MALRD1: variants seen among roughly 807,000 people sequenced by gnomAD.
The protein encoded by MALRD1 is MAM and LDL-receptor class A domain-containing protein 1.
A neutral mutation model predicts 242.1 loss-of-function variants in MALRD1; 247 were observed. The observed-to-expected ratio is 1.02, with a 90% CI of 0.92 to 1.13. The LOEUF (loss-of-function observed/expected upper bound fraction) is 1.13, where lower values mean the gene tolerates loss of function less well. Among genes scored for constraint, MALRD1 ranks in the 50% most tolerant of loss-of-function variants. The pLI, the probability that MALRD1 is intolerant of heterozygous loss-of-function variation, is 0.00. For missense variants in MALRD1, 2,989 were observed against 2,533.1 expected, an observed-to-expected ratio of 1.18 and a Z score of -3.86; for synonymous variants, 995 against 866.6, an observed-to-expected ratio of 1.15 and a Z score of -2.60.
At chr10:19,418,675 A>T (rs1473761614) in intron 28 of MALRD1, among the ~76,000 whole-genome samples, 2 of 152,202 alleles carry the variant, frequency 1.3e-5, no homozygotes, top group African/African-American at 4.8e-5. Context: ...ATGAAATGTG[A>T]TATGAAAGCT....
chr10:19,125,743 T>C (rs1330306095), intron 7 of MALRD1, among the ~76,000 whole-genome samples: 1 of 152,046 alleles, frequency 6.6e-6, no homozygotes, highest in East Asian at 1.9e-4. Flanking sequence ...CAAACTATCA[T>C]TTAATTATTT....
At chr10:19,529,504 A>G (rs7911794) in intron 31 of MALRD1, among the ~76,000 whole-genome samples, 2,189 of 148,356 alleles carry the variant, frequency 0.015, 51 homozygotes, top group African/African-American at 0.053. Flanking sequence ...CAGAATCGTG[A>G]AAAGTTCAAT....
Position 19,670,879 on chromosome 10 carries a change from ATT to A in MALRD1, c.6138-21387_6138-21386del, listed in dbSNP as rs538335690. ...ATCTTTATTTCTCAACAAAACAATC[ATT>A]TTTTTTTTTTTTTTTGAGATGGAGT... is the stretch of plus-strand genomic sequence containing the variant. On this transcript the variant is annotated intron_variant, in intron 36 of 39. Transcript: ENST00000454679. Among the ~76,000 whole-genome samples, 176 of 134,222 alleles carry A rather than the reference ATT, an allele frequency of 1.3e-3. 1 individual carries two copies. Among genetic ancestry groups the A allele is most frequent in the African/African-American group, 4.5e-3 (162 of 35,712 alleles). 88.1% of individuals were successfully genotyped at this position (134,222 alleles called of 152,430 possible).
At chr10:19,164,126 C>T (rs567239478) in intron 12 of MALRD1, among the ~76,000 whole-genome samples, 1 of 152,244 alleles carries the variant, frequency 6.6e-6, no homozygotes, top group South Asian at 2.1e-4. Context: ...TTCTAACTCA[C>T]CTGTCAAGGT....
At chr10:19,607,600 A>G (rs1564480402) in intron 34 of MALRD1, among the ~76,000 whole-genome samples, 177 bp from the exon 35 acceptor site, 1 of 152,132 alleles carries the variant, frequency 6.6e-6, no homozygotes, top group African/African-American at 2.4e-5. Flanking sequence ...TCTTTCAGAC[A>G]TTTTTAAGTT....
chr10:19,072,337 A>G (rs1328160744), intron 2 of MALRD1, among the ~76,000 whole-genome samples: 2 of 152,228 alleles, frequency 1.3e-5, no homozygotes, highest in Non-Finnish European at 1.5e-5. Flanking sequence ...AAACAGTCAT[A>G]TATACAAAAT....
rs529000033 is a variant in MALRD1 at position 19,142,171 on chromosome 10, C to CAAAAAAAAAAAAAAA, written c.1412-4015_1412-4001dup. 7.6e-4 allele frequency among the ~76,000 whole-genome samples: 20 copies of CAAAAAAAAAAAAAAA among 26,274 alleles called. 1 individual carries two copies. Among genetic ancestry groups the CAAAAAAAAAAAAAAA allele is most frequent in the African/African-American group, 3.4e-3 (20 of 5,868 alleles). The allele number at this position is 26,274 out of a possible 152,430, so 17.2% of individuals were successfully genotyped here. On this transcript the variant is annotated intron_variant, in intron 10 of 39. Coordinates refer to ENST00000454679, the MANE Select transcript of MALRD1 (RefSeq NM_001142308.3). ...TGGGCGACAGAGCGAGACTCTAACTCAAAAAAAAAAAAAAAAAAAAAAAAA... is the reference window on the plus strand; with the variant it reads ...TGGGCGACAGAGCGAGACTCTAACTCAAAAAAAAAAAAAAAAAAAAAAAAAAAAAAAAAAAAAAAA...
intron 28 of MALRD1, among the ~76,000 whole-genome samples, chr10:19,398,254 A>G (rs1306777046): frequency 6.6e-6 from 1 of 152,122 alleles, no homozygotes; most frequent in African/African-American, 2.4e-5. Context: ...GATGTCATGA[A>G]GCATTTCTTC....
intron 26 of MALRD1, among the ~76,000 whole-genome samples, chr10:19,365,073 G>T (rs1845050343): frequency 1.3e-5 from 2 of 151,948 alleles, no homozygotes; most frequent in South Asian, 4.1e-4. Flanking sequence ...TTTTAAAATT[G>T]TTTATATAAA....
At chr10:19,528,598 A>C (rs1834202098) in intron 31 of MALRD1, among the ~76,000 whole-genome samples, 1 of 152,132 alleles carries the variant, frequency 6.6e-6, no homozygotes, top group Non-Finnish European at 1.5e-5. Flanking sequence ...TCTCTAAATA[A>C]ATAAAGAAAT....
chr10:19,727,367 ATGT>A (rs1362478738), intron 38 of MALRD1, among the ~76,000 whole-genome samples: 1 of 152,174 alleles, frequency 6.6e-6, no homozygotes, highest in Non-Finnish European at 1.5e-5. Context: ...CACTAAAACA[ATGT>A]TGTCAGTTAA....
At chr10:19,638,984 G>A (rs904330626) in intron 36 of MALRD1, among the ~76,000 whole-genome samples, 1 of 152,014 alleles carries the variant, frequency 6.6e-6, no homozygotes, top group Non-Finnish European at 1.5e-5. Flanking sequence ...GGGGTTGTTT[G>A]GGGGTGGGAG....
At chr10:19,308,228 G>T (rs1159808299) in intron 21 of MALRD1, among the ~76,000 whole-genome samples, 2 of 151,292 alleles carry the variant, frequency 1.3e-5, no homozygotes, top group Non-Finnish European at 3.0e-5. Context: ...TATTCTGCAT[G>T]TCTGTGTGTT....
In MALRD1 at chr10:19,094,013, T is replaced by C. The variant is rs1327914860; in HGVS notation, c.597+5828T>C. ...TCTTCAAAGCTGTCAGACAGGGACA[T>C]TTAAGTCTGCAGAGGTTACTGCTGT... On this transcript the variant is annotated intron_variant, in intron 4 of 39. Coordinates refer to ENST00000454679, the MANE Select transcript of MALRD1 (RefSeq NM_001142308.3). Among the ~76,000 whole-genome samples the C allele has an allele frequency of 1.5e-4, 16 of 106,968 alleles. 1 individual carries two copies. The highest frequency in any genetic ancestry group is 6.1e-4 in the African/African-American group (16 of 26,182). 70.2% of individuals were successfully genotyped at this position (106,968 alleles called of 152,430 possible). A position where few individuals can be genotyped will look rare whatever the true frequency, so the allele number is the denominator to read the frequency against.
At chr10:19,417,327 T>C (rs1833548962) in intron 28 of MALRD1, among the ~76,000 whole-genome samples, 4 of 152,226 alleles carry the variant, frequency 2.6e-5, no homozygotes, top group African/African-American at 7.2e-5. Context: ...ACTTTGATTT[T>C]GGTGGACATT....
At chr10:19,208,099 T>A (rs926207692) in intron 17 of MALRD1, among the ~76,000 whole-genome samples, 3 of 141,556 alleles carry the variant, frequency 2.1e-5, no homozygotes, top group South Asian at 2.3e-4. Flanking sequence ...TTTTTTTTTT[T>A]ACCACAGTTG....
chr10:19,063,389 G>C (rs894850372), intron 1 of MALRD1, among the ~76,000 whole-genome samples: 1 of 151,992 alleles, frequency 6.6e-6, no homozygotes, highest in African/African-American at 2.4e-5. Flanking sequence ...ATGTTGTGTT[G>C]CTTTACCCAG....
rs80025402 is a variant in MALRD1 at position 19,213,612 on chromosome 10, T to C, written c.2991+3932T>C. The stretch of plus-strand genomic sequence containing the variant: ...TAAGCATTTTAATGTTCTTAACTGA[T>C]AACTCTGGCATCTTGATTTACTCTG... On this transcript the variant is annotated intron_variant, in intron 18 of 39. Coordinates refer to ENST00000454679, the MANE Select transcript of MALRD1 (RefSeq NM_001142308.3). Among the ~76,000 whole-genome samples the C allele has an allele frequency of 0.015, 2,349 of 152,354 alleles. 103 individuals are homozygous for C. In the East Asian group the frequency reaches 0.18, roughly 12 times the overall value.
intron 19 of MALRD1, among the ~76,000 whole-genome samples, chr10:19,278,798 G>A (rs1046294025): frequency 6.6e-6 from 1 of 152,074 alleles, no homozygotes; most frequent in African/African-American, 2.4e-5. Flanking sequence ...GGGTAAACAA[G>A]CTTTATCCCA....
Sources: gnomAD v4.1 joint callset for allele counts (sites outside exome capture counted in the v4.1 genomes callset) on GRCh38, gnomAD v4.1.1 for gene constraint, MANE v1.5 for transcripts, NCBI Gene and HGNC (gene_info 2026-07-23, HGNC 2026-07-21) for gene names.